WNT3: variants seen among roughly 807,000 people sequenced by gnomAD.
WNT3 encodes proto-oncogene Wnt-3.
A neutral mutation model predicts 34.2 loss-of-function variants in WNT3; 7 were observed. The observed-to-expected ratio is 0.20, with a 90% CI of 0.12 to 0.38. The LOEUF is 0.38. Ranked by LOEUF, WNT3 falls within the 10% of genes least tolerant of loss-of-function variation. The pLI, the probability that WNT3 is intolerant of heterozygous loss-of-function variation, is 1.00. For missense variants in WNT3, 267 were observed against 499.8 expected (o/e 0.53, Z 4.44); for synonymous variants, 212 against 211.5 (o/e 1.00, Z -0.02).
chr17:46,813,458 T>C (rs1486745620), intron 1 of WNT3, among the ~76,000 whole-genome samples: 2 of 141,476 alleles, frequency 1.4e-5, no homozygotes, highest in East Asian at 4.1e-4. Context: ...TCAGGATGGC[T>C]CTAACCTTTG....
intron 2 of WNT3, among the ~76,000 whole-genome samples, chr17:46,773,329 C>G (rs1490706638): frequency 6.6e-6 from 1 of 152,236 alleles, no homozygotes; most frequent in East Asian, 1.9e-4. Context: ...CTCTCACCCC[C>G]ACCCCAAAGC....
At chr17:46,789,369 A>G (rs1483274319) in intron 1 of WNT3, among the ~76,000 whole-genome samples, 1 of 152,158 alleles carries the variant, frequency 6.6e-6, no homozygotes, top group Non-Finnish European at 1.5e-5. Context: ...ACGGCAGATC[A>G]CTTGGGGTGG....
At chr17:46,811,850 G>A (rs1003116182) in intron 1 of WNT3, among the ~76,000 whole-genome samples, 2 of 152,132 alleles carry the variant, frequency 1.3e-5, no homozygotes, top group African/African-American at 2.4e-5. Context: ...CCAGCTACTC[G>A]GGAGGCTGAG....
Position 46,768,989 on chromosome 17 carries a change from C to G in WNT3, c.589-190G>C, listed in dbSNP as rs987121894. Among the ~76,000 whole-genome samples the G allele has an allele frequency of 6.6e-6, 1 of 152,310 alleles. No homozygotes were observed. Among genetic ancestry groups the G allele is most frequent in the African/African-American group, 2.4e-5 (1 of 41,580 alleles). On this transcript the variant is annotated intron_variant, in intron 3 of 4. Coordinates refer to ENST00000225512, the MANE Select transcript of WNT3 (RefSeq NM_030753.5). This position sits in a 1 kb window ranked among gnomAD's most constrained non-coding sequence, Gnocchi z 5.0. The stretch of plus-strand genomic sequence containing the variant: ...CCATGTTTCCCTCCCCCTTCACACC[C>G]CAAGCATGGGTAGACAGCACGTCCA...
At chr17:46,781,358 A>G (rs1256160108) in intron 1 of WNT3, among the ~76,000 whole-genome samples, 1 of 152,102 alleles carries the variant, frequency 6.6e-6, no homozygotes, top group African/African-American at 2.4e-5. Context: ...TTTCACTTAC[A>G]TGAGGTTCTA....
chr17:46,781,621 A>G (rs1314169785), intron 1 of WNT3, among the ~76,000 whole-genome samples: 1 of 152,202 alleles, frequency 6.6e-6, no homozygotes, highest in Non-Finnish European at 1.5e-5. Context: ...ACTGCTTAAT[A>G]AGTACAGAGT....
At chr17:46,818,485 C>T in intron 1 of WNT3, 33 bp downstream of exon 1, 1 of 1,581,100 alleles carries the variant, frequency 6.3e-7, no homozygotes, top group Non-Finnish European at 8.6e-7. Context: ...GGCGGAGAAA[C>T]CGGGCCGCGG....
At chr17:46,798,347 C>T (rs771381082) in intron 1 of WNT3, among the ~76,000 whole-genome samples, 4 of 152,186 alleles carry the variant, frequency 2.6e-5, no homozygotes, top group African/African-American at 4.8e-5. Context: ...GGCCTAGTCA[C>T]GGTCTGGTCC....
chr17:46,791,184 T>C (rs2083981543), intron 1 of WNT3, among the ~76,000 whole-genome samples: 1 of 151,784 alleles, frequency 6.6e-6, no homozygotes, highest in Non-Finnish European at 1.5e-5. Flanking sequence ...GCAGCTACAT[T>C]TCCCCCCAAC....
chr17:46,770,200 C>A, intron 2 of WNT3, 152 bp from the exon 3 acceptor site: 4 of 1,106,228 alleles, frequency 3.6e-6, no homozygotes, highest in Non-Finnish European at 5.0e-6. Context: ...AGCTTCCCCA[C>A]CCTCTTTGGC....
chr17:46,794,466 T>C (rs1383133682), intron 1 of WNT3, among the ~76,000 whole-genome samples: 3 of 152,134 alleles, frequency 2.0e-5, no homozygotes, highest in Non-Finnish European at 2.9e-5. Context: ...TGCACAGGGC[T>C]CAGAGCTAAG....
intron 1 of WNT3, among the ~76,000 whole-genome samples, chr17:46,815,308 T>G (rs2084326726): frequency 6.6e-6 from 1 of 152,198 alleles, no homozygotes; most frequent in Non-Finnish European, 1.5e-5. Flanking sequence ...ATCTCTTCCT[T>G]CCAGGGGTGT....
rs537273277 is a variant in WNT3 at position 46,765,041 on chromosome 17, C to G, written c.*9-420G>C. Among the ~76,000 whole-genome samples the G allele has an allele frequency of 5.2e-5, 8 of 152,384 alleles. No individual in the cohort carries two copies. The East Asian group carries it at 1.2e-3, about 22-fold the overall frequency. On this transcript the variant is annotated intron_variant, in intron 4 of 4. Transcript: ENST00000225512. Reference sequence around the variant, plus strand: ...CCGCACCAAATAGCTTGATAATGAGCTGTCCAAATGGGAGAGAGCCTACTT... The same window carrying G: ...CCGCACCAAATAGCTTGATAATGAGGTGTCCAAATGGGAGAGAGCCTACTT...
chr17:46,774,240 A>G (rs1247798414), intron 1 of WNT3, among the ~76,000 whole-genome samples: 1 of 152,250 alleles, frequency 6.6e-6, no homozygotes, highest in Non-Finnish European at 1.5e-5. Flanking sequence ...AGTCCTTTCC[A>G]GGTTCTGGGT....
rs200609079 is a variant in WNT3, at chr17:46,773,648, C to T, written c.322+20G>A. 1 of 1,531,380 alleles carries T rather than the reference C, an allele frequency of 6.5e-7. No individual in the cohort carries two copies. Among genetic ancestry groups the T allele is most frequent in the Non-Finnish European group, 8.9e-7 (1 of 1,128,798 alleles). 94.9% of individuals were successfully genotyped at this position (1,531,380 alleles called of 1,614,324 possible). The stretch of plus-strand genomic sequence containing the variant: ...TCCCCCCACCCAGCCCCTCCCCCCC[C>T]CTCAGCCCCAAGGCAGTACCTTTGT... On this transcript the variant is annotated intron_variant, in intron 2 of 4. Coordinates refer to ENST00000225512, the MANE Select transcript of WNT3 (RefSeq NM_030753.5).
Position 46,768,671 on chromosome 17 carries a change from G to A in WNT3, c.717C>T (p.Asp239=). The A allele has an allele frequency of 6.2e-7, 1 of 1,614,180 alleles. No homozygotes were observed. Among genetic ancestry groups the A allele is most frequent in the South Asian group, 1.1e-5 (1 of 91,090 alleles). ...TCTCTACTACCATCTCCGAGGCGCT[G>A]TCATACTTGTCCTTGAGGAAGTCAC... ...AIGDFLKDKY[D]SASEMVVEKH... Residue 239 remains aspartate (D), a synonymous_variant, in exon 4 of 5, where the codon GAC becomes GAT. Transcript: ENST00000225512. The surrounding 1 kb of genome is among the most constrained non-coding windows in gnomAD (Gnocchi z 5.0).
chr17:46,771,485 C>CG (rs2146379182), intron 2 of WNT3, among the ~76,000 whole-genome samples: 1 of 149,698 alleles, frequency 6.7e-6, no homozygotes, highest in Admixed American at 6.6e-5. Flanking sequence ...TTCCCAGCCC[C>CG]GGGAACGCGG....
chr17:46,776,856 G>A (rs2059416496), intron 1 of WNT3, among the ~76,000 whole-genome samples: 1 of 152,072 alleles, frequency 6.6e-6, no homozygotes, highest in Non-Finnish European at 1.5e-5. Flanking sequence ...GAGGCACTCG[G>A]AGACCCTTCC....
intron 1 of WNT3, among the ~76,000 whole-genome samples, chr17:46,789,345 G>A (rs2083950025): frequency 6.6e-6 from 1 of 152,230 alleles, no homozygotes; most frequent in African/African-American, 2.4e-5. Flanking sequence ...GGTCAGGGAT[G>A]CAGGCTATAC....
Sources: gnomAD v4.1 joint callset for allele counts (sites outside exome capture counted in the v4.1 genomes callset) on GRCh38, gnomAD v4.1.1 for gene constraint, Gnocchi (gnomAD v3.1) non-coding constraint, MANE v1.5 for transcripts, NCBI Gene and HGNC (gene_info 2026-07-23, HGNC 2026-07-21) for gene names.